ZFAT: variants seen among roughly 807,000 people sequenced by gnomAD.
ZFAT encodes zinc finger protein ZFAT.
In ZFAT, 64 loss-of-function variants were observed where a neutral mutation model predicts 117.7. That is an observed-to-expected ratio of 0.54 (90% CI 0.44 to 0.67). The LOEUF is 0.67. ZFAT is among the 30% of genes least tolerant of loss of function. The probability of loss-of-function intolerance (pLI) is 0.00; values close to 1 mark genes in which losing one functional copy is unlikely to be tolerated. For missense variants in ZFAT, 1,433 were observed against 1,584.5 expected (o/e 0.90, Z 1.62); for synonymous variants, 679 against 615.0 (o/e 1.10, Z -1.54).
At chr8:134,636,285 A>ATTACT (rs1365187393) in intron 3 of ZFAT, among the ~76,000 whole-genome samples, 2 of 152,314 alleles carry the variant, frequency 1.3e-5, no homozygotes, top group East Asian at 3.9e-4. Flanking sequence ...CCCTAAACAA[A>ATTACT]TTACTTCATC....
At chr8:134,638,324 G>C (rs942697780) in intron 2 of ZFAT, among the ~76,000 whole-genome samples, 1 of 152,130 alleles carries the variant, frequency 6.6e-6, no homozygotes, top group African/African-American at 2.4e-5. Flanking sequence ...TTTAGAGCAA[G>C]TTTAAAATCA....
chr8:134,599,903 AT>A, intron 7 of ZFAT: 1 of 414,302 alleles, frequency 2.4e-6, no homozygotes, highest in Middle Eastern at 3.5e-4. Flanking sequence ...AGCATATTGA[AT>A]TAACATTTCA....
At chr8:134,712,598 T>C (rs932880015) in intron 1 of ZFAT, among the ~76,000 whole-genome samples, 6 of 148,858 alleles carry the variant, frequency 4.0e-5, no homozygotes, top group Non-Finnish European at 8.9e-5. Context: ...GCCGGGCGCA[T>C]GCTCTCCCAC....
chr8:134,712,674 A>G (rs1037165149), intron 1 of ZFAT, among the ~76,000 whole-genome samples, 171 bp downstream of exon 1: 6 of 139,608 alleles, frequency 4.3e-5, no homozygotes, highest in South Asian at 2.2e-4. Flanking sequence ...CGTGAGCCGC[A>G]GAACGCAACT....
chr8:134,541,310 T>C (rs1156243928), intron 11 of ZFAT, among the ~76,000 whole-genome samples: 1 of 152,056 alleles, frequency 6.6e-6, no homozygotes, highest in Non-Finnish European at 1.5e-5. Context: ...GGGAGAGGAA[T>C]TGGTAGCTTT....
chr8:134,815,751 T>C, the ZFAT span, among the ~76,000 whole-genome samples: 1 of 152,216 alleles, frequency 6.6e-6, no homozygotes, highest in Non-Finnish European at 1.5e-5. Flanking sequence ...ACATGCCTAG[T>C]TTCTCCAAAA....
At chr8:134,480,685 T>C (rs1302497856) in intron 15 of ZFAT, among the ~76,000 whole-genome samples, 1 of 151,818 alleles carries the variant, frequency 6.6e-6, no homozygotes, top group Non-Finnish European at 1.5e-5. Context: ...TCCCAGGAGG[T>C]GTAGGGAGCA....
chr8:134,567,082 A>C (rs372404671), intron 10 of ZFAT, among the ~76,000 whole-genome samples: 1 of 152,068 alleles, frequency 6.6e-6, no homozygotes, highest in African/African-American at 2.4e-5. Flanking sequence ...AGCATCTTCT[A>C]CTCTGATCTC....
chr8:134,614,352 C>T (rs1345008623), intron 3 of ZFAT, among the ~76,000 whole-genome samples: 1 of 152,024 alleles, frequency 6.6e-6, no homozygotes, highest in Non-Finnish European at 1.5e-5. Flanking sequence ...CCTTGGCACA[C>T]AGACATGCAT....
chr8:134,488,178 G>A (rs1817788430), intron 15 of ZFAT, among the ~76,000 whole-genome samples: 1 of 152,240 alleles, frequency 6.6e-6, no homozygotes, highest in South Asian at 2.1e-4. Context: ...CTACTCAGTG[G>A]GGCCTTCATA....
chr8:134,637,472 T>G lies in ZFAT; in HGVS notation c.437A>C (p.Glu146Ala). The G allele has an allele frequency of 6.2e-7, 1 of 1,607,614 alleles. No individual in the cohort carries two copies. Among genetic ancestry groups the G allele is most frequent in the Middle Eastern group, 1.7e-4 (1 of 6,042 alleles). ...TTGGCAGCATTTACCTGCTTCTCCT[T>G]CCTCCTCACCCAAATTCAGCACGAT... ...CIIVLNLGEE[E>A]GEAGNESDLE... is the part of the protein sequence containing the mutation. Residue 146 changes from glutamate to alanine, a missense_variant, in exon 3 of 16, where the codon GAA becomes GCA. Physicochemically the swap from Glu to Ala is moderately radical, Grantham distance 107. Around this residue, in one of 5 missense-constraint regions of ZFAT, gnomAD observed 436 missense variants for 482.0 expected, o/e 0.90. Transcript: ENST00000377838.
At chr8:134,524,083 A>ACTCTGGG (rs1334293569) in intron 12 of ZFAT, among the ~76,000 whole-genome samples, 1 of 151,870 alleles carries the variant, frequency 6.6e-6, no homozygotes, top group Non-Finnish European at 1.5e-5. Context: ...TGCGTCACTG[A>ACTCTGGG]CTCTGGGTCT....
chr8:134,827,192 C>T, the ZFAT span, among the ~76,000 whole-genome samples: 1 of 152,154 alleles, frequency 6.6e-6, no homozygotes, highest in Non-Finnish European at 1.5e-5. Flanking sequence ...GCTGGGACTA[C>T]AGGCGTGTGC....
rs561833670 is a variant in ZFAT, at chr8:134,521,579, G to C, written c.3116-578C>G. Among the ~76,000 whole-genome samples the C allele has an allele frequency of 1.5e-4, 23 of 152,010 alleles. 1 individual carries two copies. The South Asian group carries it at 4.6e-3, about 30-fold the overall frequency. On this transcript the variant is annotated intron_variant, in intron 12 of 15. Coordinates refer to ENST00000377838, the MANE Select transcript of ZFAT (RefSeq NM_020863.4). The stretch of plus-strand genomic sequence containing the variant: ...ATTGAACTGATTAAATTTTGCACAC[G>C]TTCCAGGAAGTGTTTAGATGCTTTA...
At chr8:134,757,052 T>A in the ZFAT span, among the ~76,000 whole-genome samples, 1 of 134,542 alleles carries the variant, frequency 7.4e-6, no homozygotes, top group Admixed American at 8.2e-5. Context: ...GTCTCACTCC[T>A]GTCGCCCAGG....
At chr8:134,696,413 T>A (rs1286884051) in intron 1 of ZFAT, 2 of 985,424 alleles carry the variant, frequency 2.0e-6, no homozygotes, top group African/African-American at 3.5e-5. Context: ...GAGTGGAAAC[T>A]CGCATCGGGA....
chr8:134,561,658 T>C (rs1387902458), intron 11 of ZFAT, among the ~76,000 whole-genome samples: 2 of 152,198 alleles, frequency 1.3e-5, no homozygotes, highest in African/African-American at 4.8e-5. Flanking sequence ...ATATTGTAAA[T>C]TGTACATCTA....
intron 14 of ZFAT, 73 bp downstream of exon 14, chr8:134,512,402 C>T: frequency 3.8e-6 from 6 of 1,573,226 alleles, no homozygotes; most frequent in Non-Finnish European, 4.3e-6. Flanking sequence ...CATCATTCAT[C>T]TGCAAACGCA....
At chr8:134,586,765 G>T (rs1407154664) in intron 9 of ZFAT, among the ~76,000 whole-genome samples, 1 of 152,234 alleles carries the variant, frequency 6.6e-6, no homozygotes, top group African/African-American at 2.4e-5. Context: ...TGTAGGAGGT[G>T]CCTCCTCCTT....
Sources: gnomAD v4.1 joint callset for allele counts (sites outside exome capture counted in the v4.1 genomes callset) on GRCh38, gnomAD v4.1.1 for gene constraint, gnomAD v4.1.1 regional missense constraint, MANE v1.5 for transcripts, NCBI Gene and HGNC (gene_info 2026-07-23, HGNC 2026-07-21) for gene names.